The following PCDHA2 variants were observed in gnomAD, a reference collection of about 807,000 sequenced individuals.
PCDHA2 encodes protocadherin alpha 2.
Under a neutral mutation model 66.0 loss-of-function variants are expected in PCDHA2, and 58 were observed. That is an observed-to-expected ratio of 0.88 (90% CI 0.71 to 1.09). PCDHA2 has a LOEUF of 1.09. Ranked by LOEUF, PCDHA2 falls within the 50% of genes least tolerant of loss-of-function variation. The pLI, the probability that PCDHA2 is intolerant of heterozygous loss-of-function variation, is 0.00. For synonymous variants in PCDHA2, 634 were observed against 554.0 expected, an observed-to-expected ratio of 1.14 and a Z score of -2.03; for missense variants, 1,267 against 1,242.3, an observed-to-expected ratio of 1.02 and a Z score of -0.30.
At chr5:140,843,404 G>C (rs2150359308) in intron 1 of PCDHA2, 2 of 1,596,130 alleles carry the variant, frequency 1.3e-6, no homozygotes, top group Admixed American at 3.4e-5. Context: ...GGCGCTGGTG[G>C]ATGTCAACGT....
rs145248721 is a variant in PCDHA2 at position 140,849,849 on chromosome 5, G to A, written c.2388+52497G>A. 13 of 1,598,556 alleles carry A rather than the reference G, an allele frequency of 8.1e-6. 1 individual carries two copies. The South Asian group carries it at 1.1e-4, about 14-fold the overall frequency. On this transcript the variant is annotated intron_variant, in intron 1 of 3. Coordinates refer to ENST00000526136, the MANE Select transcript of PCDHA2 (RefSeq NM_018905.3). Reference sequence around the variant, plus strand: ...GGAGGTGGCCGACGTGAACGACAACGCACCAGCGTTCGCGCAGTCCGAGTA... The same window carrying A: ...GGAGGTGGCCGACGTGAACGACAACACACCAGCGTTCGCGCAGTCCGAGTA...
intron 2 of PCDHA2, 96 bp from the exon 3 acceptor site, chr5:140,982,379 C>T (rs959359344): frequency 1.4e-5 from 22 of 1,575,004 alleles, no homozygotes; most frequent in South Asian, 3.5e-5. Context: ...TAGCTGCAGC[C>T]CTGGCTTCAT....
intron 1 of PCDHA2, chr5:140,883,153 A>G (rs1268982674): frequency 2.5e-6 from 4 of 1,614,120 alleles, no homozygotes; most frequent in Non-Finnish European, 8.5e-7. Flanking sequence ...CATTTACCAT[A>G]AATCCGAACA....
chr5:140,902,555 T>C (rs538054274), intron 1 of PCDHA2, among the ~76,000 whole-genome samples: 1 of 152,182 alleles, frequency 6.6e-6, no homozygotes, highest in Non-Finnish European at 1.5e-5. Flanking sequence ...TATACCCAGA[T>C]TTTTGAGGGT....
chr5:140,829,740 C>T (rs2150173718), intron 1 of PCDHA2: 2 of 1,613,670 alleles, frequency 1.2e-6, no homozygotes, highest in South Asian at 1.1e-5. Context: ...AGCAACGTGA[C>T]GCTGCAGGTG....
intron 1 of PCDHA2, chr5:140,862,626 C>A: frequency 1.9e-6 from 1 of 532,422 alleles, no homozygotes; most frequent in South Asian, 1.4e-5. Flanking sequence ...ACCCGCGGGG[C>A]TGCCACGACT....
intron 1 of PCDHA2, among the ~76,000 whole-genome samples, chr5:140,847,134 A>G (rs1210661520): frequency 6.7e-6 from 1 of 149,754 alleles, no homozygotes; most frequent in African/African-American, 2.4e-5. Flanking sequence ...AGGAAAACCA[A>G]TGTAAGAAGA....
chr5:140,823,799 C>T (rs1463796705), intron 1 of PCDHA2: 2 of 1,613,668 alleles, frequency 1.2e-6, no homozygotes, highest in Non-Finnish European at 8.5e-7. Flanking sequence ...GGCCAGGCGC[C>T]GAAGGCCTCA....
intron 2 of PCDHA2, among the ~76,000 whole-genome samples, chr5:140,981,838 C>T (rs916108739): frequency 3.9e-5 from 6 of 152,086 alleles, no homozygotes; most frequent in Admixed American, 6.6e-5. Context: ...AAAGGTCTCC[C>T]AGTTTGTATC....
At chr5:140,867,166 G>T (rs773226125) in intron 1 of PCDHA2, 1 of 152,006 alleles carries the variant, frequency 6.6e-6, no homozygotes, top group Non-Finnish European at 1.5e-5. Context: ...ACCTTCTAAG[G>T]TTCATTTCCC....
chr5:140,843,302 G>A, intron 1 of PCDHA2: 1 of 1,595,928 alleles, frequency 6.3e-7, no homozygotes, highest in Non-Finnish European at 8.6e-7. Flanking sequence ...TGCGCTGACC[G>A]CCACGGCCAC....
At chr5:140,922,316 A>G (rs983729529) in intron 1 of PCDHA2, among the ~76,000 whole-genome samples, 5 of 152,248 alleles carry the variant, frequency 3.3e-5, no homozygotes, top group Middle Eastern at 3.2e-3. Context: ...TTCACTGAAG[A>G]TCTTGGAAAG....
At chr5:140,849,677 C>A (rs2150445032) in intron 1 of PCDHA2, 1 of 1,598,728 alleles carries the variant, frequency 6.3e-7, no homozygotes, top group East Asian at 2.2e-5. Flanking sequence ...CCCACGTCCC[C>A]TTCAAGCTGG....
intron 1 of PCDHA2, chr5:140,823,435 G>C (rs2150125810): frequency 6.8e-6 from 11 of 1,613,290 alleles, no homozygotes; most frequent in East Asian, 2.2e-5. Flanking sequence ...GCAGGTGTTC[G>C]TGCTGGACGA....
intron 1 of PCDHA2, chr5:140,841,605 T>A: frequency 6.2e-7 from 1 of 1,614,126 alleles, no homozygotes; most frequent in Non-Finnish European, 8.5e-7. Context: ...CGCGAGGAGC[T>A]GTGCGGGCGG....
chr5:140,977,701 G>A (rs1299788207), intron 1 of PCDHA2, among the ~76,000 whole-genome samples: 2 of 152,146 alleles, frequency 1.3e-5, no homozygotes, highest in African/African-American at 4.8e-5. Context: ...AAATCTGTCT[G>A]AATATTGAGA....
chr5:140,856,296 T>G, intron 1 of PCDHA2: 1 of 1,598,576 alleles, frequency 6.3e-7, no homozygotes, highest in Non-Finnish European at 8.6e-7. Flanking sequence ...AATGGCATTT[T>G]GTTTGTGAAT....
chr5:140,876,873 C>G (rs781921402), intron 1 of PCDHA2: 1 of 1,614,128 alleles, frequency 6.2e-7, no homozygotes, highest in Non-Finnish European at 8.5e-7. Context: ...TGAAGGAGAA[C>G]AACCCGCCGG....
At chr5:140,937,911 CAAA>C (rs200797202) in intron 1 of PCDHA2, among the ~76,000 whole-genome samples, 2 of 117,898 alleles carry the variant, frequency 1.7e-5, no homozygotes, top group Non-Finnish European at 1.9e-5. Context: ...GACTCCGTCT[CAAA>C]AAAAAAAAAA....
Sources: gnomAD v4.1 joint callset for allele counts (sites outside exome capture counted in the v4.1 genomes callset) on GRCh38, gnomAD v4.1.1 for gene constraint, MANE v1.5 for transcripts, NCBI Gene and HGNC (gene_info 2026-07-23, HGNC 2026-07-21) for gene names.